Variants in PRKN observed in about 807,000 individuals in gnomAD.
The protein encoded by PRKN is parkin RBR E3 ubiquitin protein ligase.
Under a neutral mutation model 59.5 loss-of-function variants are expected in PRKN, and 56 were observed. The ratio of observed to expected loss-of-function variants is 0.94; its 90% CI spans 0.76 to 1.18. The LOEUF (loss-of-function observed/expected upper bound fraction) is 1.18, where lower values mean the gene tolerates loss of function less well. Among genes scored for constraint, PRKN ranks in the 50% most tolerant of loss-of-function variants. The pLI, the probability that PRKN is intolerant of heterozygous loss-of-function variation, is 0.00. For synonymous variants in PRKN, 250 were observed against 222.1 expected (o/e 1.13, Z -1.12); for missense variants, 657 against 596.4 (o/e 1.10, Z -1.06).
At chr6:161,746,709 T>A (rs1299097277) in intron 7 of PRKN, among the ~76,000 whole-genome samples, 1 of 147,014 alleles carries the variant, frequency 6.8e-6, no homozygotes, top group Non-Finnish European at 1.5e-5. Context: ...TATATATGTA[T>A]ATATAGATAT....
At chr6:161,650,653 T>C (rs1784119076) in intron 7 of PRKN, among the ~76,000 whole-genome samples, 1 of 152,198 alleles carries the variant, frequency 6.6e-6, no homozygotes, top group Non-Finnish European at 1.5e-5. Context: ...ACTCGGCCTT[T>C]CAATTTTGTA....
intron 1 of PRKN, among the ~76,000 whole-genome samples, chr6:162,497,800 T>C (rs559711711): frequency 4.6e-5 from 7 of 152,282 alleles, no homozygotes; most frequent in African/African-American, 1.4e-4. Flanking sequence ...GGTTGGTTAA[T>C]GGAAGTGAGT....
intron 1 of PRKN, among the ~76,000 whole-genome samples, chr6:162,638,193 AATAATATTATCCCTAT>A (rs1554256774): frequency 1.3e-5 from 2 of 151,978 alleles, no homozygotes; most frequent in African/African-American, 2.4e-5. Flanking sequence ...ACTGTAAGAC[AATAATATTATCCCTAT>A]GTTTATTACT....
Position 161,562,783 on chromosome 6 carries a change from C to T in PRKN, c.933+6572G>A, listed in dbSNP as rs1780505548. Among the ~76,000 whole-genome samples, 2 of 152,228 alleles carry T rather than the reference C, an allele frequency of 1.3e-5. No homozygotes were observed. The highest frequency in any genetic ancestry group is 1.3e-4 in the Admixed American group (2 of 15,282). ...CTTGAATTCTGCCTCTCAAGATTCACTTCTTTTTGTCTCCGCTGCCAACTG... is the reference window on the plus strand; with the variant it reads ...CTTGAATTCTGCCTCTCAAGATTCATTTCTTTTTGTCTCCGCTGCCAACTG... On this transcript the variant is annotated intron_variant, in intron 8 of 11. Coordinates refer to ENST00000366898, the MANE Select transcript of PRKN (RefSeq NM_004562.3). This position sits in a 1 kb window ranked among gnomAD's most constrained non-coding sequence, Gnocchi z 4.3.
chr6:161,856,359 T>C (rs1270994990), intron 6 of PRKN, among the ~76,000 whole-genome samples: 3 of 97,928 alleles, frequency 3.1e-5, no homozygotes, highest in African/African-American at 1.2e-4. Flanking sequence ...AAATGCCATC[T>C]CAAAATAAAT....
chr6:162,456,832 C>A (rs914798824), intron 1 of PRKN, among the ~76,000 whole-genome samples: 2 of 152,206 alleles, frequency 1.3e-5, no homozygotes, highest in East Asian at 3.9e-4. Context: ...ATAACTAATG[C>A]CTTAACTAGG....
chr6:162,504,832 A>T (rs1322769283), intron 1 of PRKN, among the ~76,000 whole-genome samples: 1 of 152,176 alleles, frequency 6.6e-6, no homozygotes, highest in African/African-American at 2.4e-5. Context: ...AAAACTGTAG[A>T]AATCAATATG....
At position 162,566,254 on chromosome 6, in the gene PRKN, G is replaced by A. The variant is rs1183782243; in HGVS notation, c.8-122781C>T. ...CCAAAAATCAGCAGCATTTCTATAT[G>A]CCAAGAATTAGTAGAAGAAAATAAT... is the stretch of plus-strand genomic sequence containing the variant. On this transcript the variant is annotated intron_variant, in intron 1 of 11. Transcript: ENST00000366898. 2.6e-5 allele frequency among the ~76,000 whole-genome samples: 4 copies of A among 151,990 alleles called. No individual in the cohort carries two copies. The South Asian group carries it at 6.2e-4, about 24-fold the overall frequency.
intron 9 of PRKN, among the ~76,000 whole-genome samples, chr6:161,416,781 A>G (rs569472318): frequency 6.1e-4 from 93 of 152,252 alleles, no homozygotes; most frequent in Non-Finnish European, 9.8e-4. Context: ...GCTTGTATCA[A>G]CCGTGCTACG....
intron 4 of PRKN, among the ~76,000 whole-genome samples, chr6:162,171,783 G>C (rs1783290629): frequency 6.6e-6 from 1 of 152,022 alleles, no homozygotes. Context: ...ACATTACATG[G>C]TGCATTTGCC....
intron 5 of PRKN, among the ~76,000 whole-genome samples, chr6:161,994,013 G>C (rs534959891): frequency 4.6e-5 from 7 of 152,190 alleles, no homozygotes; most frequent in African/African-American, 1.7e-4. Flanking sequence ...CTCCCACTAG[G>C]CCCTACCTCT....
intron 1 of PRKN, among the ~76,000 whole-genome samples, chr6:162,626,289 C>T: frequency 6.6e-6 from 1 of 152,160 alleles, no homozygotes; most frequent in Non-Finnish European, 1.5e-5. Flanking sequence ...GTAATGTTTC[C>T]ATTTGAAAGG....
chr6:162,418,481 T>C (rs1425495816), intron 2 of PRKN, among the ~76,000 whole-genome samples: 1 of 152,006 alleles, frequency 6.6e-6, no homozygotes, highest in Non-Finnish European at 1.5e-5. Context: ...ATGGGTGAAG[T>C]GCATAGCATG....
At chr6:161,928,708 T>C (rs897634949) in intron 6 of PRKN, among the ~76,000 whole-genome samples, 2 of 152,216 alleles carry the variant, frequency 1.3e-5, no homozygotes, top group Non-Finnish European at 2.9e-5. Flanking sequence ...TAGGTGTTTT[T>C]ATTTTAACTT....
rs1048672010 is a variant in PRKN at position 161,485,736 on chromosome 6, C to A, written c.1083+63118G>T. On this transcript the variant is annotated intron_variant, in intron 9 of 11. Coordinates refer to ENST00000366898, the MANE Select transcript of PRKN (RefSeq NM_004562.3). Reference sequence around the variant, plus strand: ...GTAGAGAGAGGTATCCTGAGAAAAACAGAATATTTTAGACTGAACTGGGAT... The same window carrying A: ...GTAGAGAGAGGTATCCTGAGAAAAAAAGAATATTTTAGACTGAACTGGGAT... Among the ~76,000 whole-genome samples, 4 of 151,968 alleles carry A rather than the reference C, an allele frequency of 2.6e-5. No homozygotes were observed. The East Asian group carries it at 7.7e-4, about 29-fold the overall frequency.
intron 2 of PRKN, among the ~76,000 whole-genome samples, chr6:162,442,157 T>C (rs1400723992): frequency 2.0e-5 from 3 of 152,190 alleles, no homozygotes; most frequent in Non-Finnish European, 4.4e-5. Context: ...CAGGAACAAT[T>C]TGCATTTCTG....
chr6:162,610,107 ATGTACTC>A, intron 1 of PRKN, among the ~76,000 whole-genome samples: 1 of 152,348 alleles, frequency 6.6e-6, no homozygotes, highest in South Asian at 2.1e-4. Context: ...TTTACATAGC[ATGTACTC>A]TGTCAGGTAC....
intron 1 of PRKN, among the ~76,000 whole-genome samples, chr6:162,557,492 G>T (rs1779655518): frequency 6.7e-6 from 1 of 149,532 alleles, no homozygotes; most frequent in South Asian, 2.2e-4. Flanking sequence ...AATGATGGTG[G>T]TGTTTTTTTG....
chr6:161,389,967 A>T (rs1261303150), intron 9 of PRKN, among the ~76,000 whole-genome samples: 1 of 152,200 alleles, frequency 6.6e-6, no homozygotes, highest in Admixed American at 6.5e-5. Context: ...GAGCATATCA[A>T]ATGAAAGCCT....
Sources: allele counts gnomAD v4.1 joint callset (sites outside exome capture counted in the v4.1 genomes callset), GRCh38; gene constraint gnomAD v4.1.1; non-coding constraint Gnocchi (gnomAD v3.1); transcripts MANE v1.5; gene names NCBI Gene and HGNC (gene_info 2026-07-23, HGNC 2026-07-21).